The following ATG14 variants were observed in gnomAD, a reference collection of about 807,000 sequenced individuals.
The protein encoded by ATG14 is autophagy related 14, also known as beclin 1-associated autophagy-related key regulator.
In ATG14, 35 loss-of-function variants were observed where a neutral mutation model predicts 60.4. The ratio of observed to expected loss-of-function variants is 0.58; its 90% CI spans 0.44 to 0.77. The LOEUF is 0.77. Among genes scored for constraint, ATG14 ranks in the 30% least tolerant of loss-of-function variants. The pLI is 0.00. For synonymous variants in ATG14, 234 were observed against 228.8 expected (o/e 1.02, Z -0.21); for missense variants, 647 against 626.3 (o/e 1.03, Z -0.35).
chr14:55,406,610 A>G (rs764026159), intron 1 of ATG14, among the ~76,000 whole-genome samples: 3 of 152,228 alleles, frequency 2.0e-5, no homozygotes, highest in African/African-American at 4.8e-5. Context: ...ACAGTGCCCA[A>G]TGAGAGCTCA....
chr14:55,403,655 G>T (rs1285355823), intron 1 of ATG14, among the ~76,000 whole-genome samples: 1 of 152,026 alleles, frequency 6.6e-6, no homozygotes, highest in African/African-American at 2.4e-5. Flanking sequence ...AGACGTTTAG[G>T]TATGTTAAAT....
intron 9 of ATG14, among the ~76,000 whole-genome samples, chr14:55,374,568 T>C (rs938704323): frequency 6.6e-6 from 1 of 152,244 alleles, no homozygotes; most frequent in African/African-American, 2.4e-5. Context: ...CTTTCCTTTA[T>C]GGTTTTTGGG....
In ATG14 at chr14:55,381,995, A is replaced by C; in HGVS notation, c.844T>G (p.Trp282Gly). Residue 282 changes from tryptophan (W) to glycine (G), a missense_variant, in exon 6 of 10, where the codon TGG (tryptophan) becomes GGG (glycine). Trp to Gly is a radical substitution (Grantham distance 184). Transcript: ENST00000247178. ...TGGGTTGTTTTCTTCTCCTCCACCC[A>C]GCTGTAGTAGGCAGAGTAGTCCCCA... Reference protein sequence around the residue: ...NNGDYSAYYSWVEEKKTTQGP... With the variant: ...NNGDYSAYYSGVEEKKTTQGP... 6.2e-7 allele frequency: 1 copy of C among 1,614,166 alleles called. No individual in the cohort carries two copies. Among genetic ancestry groups the C allele is most frequent in the Non-Finnish European group, 8.5e-7 (1 of 1,180,014 alleles).
intron 1 of ATG14, among the ~76,000 whole-genome samples, chr14:55,406,795 A>G (rs1868342746): frequency 6.6e-6 from 1 of 152,162 alleles, no homozygotes; most frequent in African/African-American, 2.4e-5. Context: ...TAAGCAGACC[A>G]CTGTGACAGT....
At chr14:55,391,981 A>G (rs185542946) in intron 3 of ATG14, among the ~76,000 whole-genome samples, 30 of 152,346 alleles carry the variant, frequency 2.0e-4, no homozygotes, top group African/African-American at 7.0e-4. Flanking sequence ...AGTTAGGTTC[A>G]GCACCCCCTA....
intron 1 of ATG14, among the ~76,000 whole-genome samples, 157 bp downstream of exon 1, chr14:55,411,445 C>T (rs1307407470): frequency 6.6e-6 from 1 of 152,232 alleles, no homozygotes; most frequent in Non-Finnish European, 1.5e-5. Flanking sequence ...CCTCTGGTAG[C>T]AAAGCTCCGG....
chr14:55,401,293 C>A (rs1885394504), intron 1 of ATG14, among the ~76,000 whole-genome samples: 1 of 151,670 alleles, frequency 6.6e-6, no homozygotes, highest in Non-Finnish European at 1.5e-5. Flanking sequence ...GATTATTTAG[C>A]AGGGAAATTG....
intron 7 of ATG14, among the ~76,000 whole-genome samples, chr14:55,380,179 T>A (rs960426986): frequency 4.6e-5 from 7 of 152,038 alleles, no homozygotes; most frequent in Middle Eastern, 3.2e-3. Flanking sequence ...AACTGTGAGG[T>A]GGAGGTTGCA....
chr14:55,366,903 TA>T lies in ATG14; in HGVS notation c.*2715del, dbSNP rs1312267497. The T allele has an allele frequency of 1.3e-5, 2 of 152,660 alleles. No homozygotes were observed. The highest frequency in any genetic ancestry group is 6.5e-5 in the Admixed American group (1 of 15,286). 9.5% of individuals were successfully genotyped at this position (152,660 alleles called of 1,614,324 possible). ...AAAAACAGTGGTTGAAATGTATACT[TA>T]AGAGTATTTACAGGGTGGATCCAGT... is the stretch of plus-strand genomic sequence containing the variant. On this transcript the variant is annotated 3_prime_UTR_variant, in exon 10 of 10. Coordinates refer to ENST00000247178, the MANE Select transcript of ATG14 (RefSeq NM_014924.5).
intron 3 of ATG14, chr14:55,391,280 CCT>C: frequency 4.6e-6 from 1 of 218,454 alleles, no homozygotes; most frequent in Non-Finnish European, 9.0e-6. Flanking sequence ...TCAAGACCAT[CCT>C]GGCCAACATG....
intron 5 of ATG14, 146 bp downstream of exon 5, chr14:55,385,713 G>A (rs1260860866): frequency 7.6e-6 from 6 of 784,664 alleles, no homozygotes; most frequent in Non-Finnish European, 1.0e-5. Context: ...GGTGCGTACT[G>A]TTTGTTGAAA....
At chr14:55,373,002 A>G (rs1884852166) in intron 9 of ATG14, among the ~76,000 whole-genome samples, 1 of 123,142 alleles carries the variant, frequency 8.1e-6, no homozygotes, top group African/African-American at 2.9e-5. Context: ...GAAGCCACAG[A>G]GCAGGAGGAG....
chr14:55,411,717 G>A lies in ATG14; in HGVS notation c.106C>T (p.Leu36=), dbSNP rs1885577196. 2 of 1,612,308 alleles carry A rather than the reference G, an allele frequency of 1.2e-6. No homozygotes were observed. Among genetic ancestry groups the A allele is most frequent in the Admixed American group, 3.3e-5 (2 of 59,874 alleles). ...GGGCAGCGCTCCACAGCCACGTACA[G>A]CCCCTCCGCATCGTCCACGGAGTCC... The part of the protein sequence containing the change: ...LVDSVDDAEG[L]YVAVERCPLC... The change falls in exon 1 of 10, where the codon CTG becomes TTG. Residue 36 remains leucine (L), a synonymous_variant. Transcript: ENST00000247178.
At chr14:55,371,982 C>G (rs1323110210) in intron 9 of ATG14, among the ~76,000 whole-genome samples, 1 of 152,156 alleles carries the variant, frequency 6.6e-6, no homozygotes, top group African/African-American at 2.4e-5. Flanking sequence ...TCTGAGCACC[C>G]TCTTCTCAAG....
intron 1 of ATG14, among the ~76,000 whole-genome samples, chr14:55,404,742 T>C (rs1379018641): frequency 8.5e-5 from 13 of 152,118 alleles, no homozygotes; most frequent in Admixed American, 7.9e-4. Context: ...TACAGCGCAA[T>C]CTGTATAACA....
intron 5 of ATG14, among the ~76,000 whole-genome samples, chr14:55,384,222 C>T (rs897409570): frequency 1.3e-5 from 2 of 152,190 alleles, no homozygotes; most frequent in African/African-American, 2.4e-5. Flanking sequence ...TAAAACAGCA[C>T]AGAAATAGTT....
At chr14:55,370,703 G>A (rs368918157) in intron 9 of ATG14, among the ~76,000 whole-genome samples, 5 of 151,598 alleles carry the variant, frequency 3.3e-5, no homozygotes, top group African/African-American at 9.7e-5. Flanking sequence ...GTGCAGTGGC[G>A]CCATCTTGGC....
intron 1 of ATG14, among the ~76,000 whole-genome samples, chr14:55,402,890 C>G (rs1394719152): frequency 3.6e-5 from 1 of 27,524 alleles, no homozygotes; most frequent in Non-Finnish European, 6.4e-5. Context: ...GACTCCATCT[C>G]TACAAAAAAA....
At chr14:55,385,244 C>T (rs1162202428) in intron 5 of ATG14, among the ~76,000 whole-genome samples, 1 of 152,156 alleles carries the variant, frequency 6.6e-6, no homozygotes. Context: ...CCTCACAACA[C>T]ACAACTAATA....
Sources: allele counts gnomAD v4.1 joint callset (sites outside exome capture counted in the v4.1 genomes callset), GRCh38; gene constraint gnomAD v4.1.1; transcripts MANE v1.5; gene names NCBI Gene and HGNC (gene_info 2026-07-23, HGNC 2026-07-21).